The following AKAP12 variants were observed in gnomAD, a reference collection of about 807,000 sequenced individuals.
AKAP12 encodes A-kinase anchor protein 12.
AKAP12 carries 32 observed loss-of-function variants against 79.9 expected under a neutral mutation model. The ratio of observed to expected loss-of-function variants is 0.40; its 90% CI spans 0.30 to 0.54. The LOEUF is 0.54. Among genes scored for constraint, AKAP12 ranks in the 20% least tolerant of loss-of-function variants. The pLI, the probability that AKAP12 is intolerant of heterozygous loss-of-function variation, is 0.48. For synonymous variants in AKAP12, 808 were observed against 857.0 expected (o/e 0.94, Z 1.00); for missense variants, 2,074 against 2,177.0 (o/e 0.95, Z 0.94).
chr6:151,310,908 A>G (rs777562260), intron 3 of AKAP12, among the ~76,000 whole-genome samples: 14 of 152,120 alleles, frequency 9.2e-5, no homozygotes, highest in South Asian at 2.1e-4. Flanking sequence ...CTTTTCTCCA[A>G]CCTTCACAGG....
chr6:151,339,508 A>G (rs1777895333), intron 3 of AKAP12, among the ~76,000 whole-genome samples: 1 of 151,924 alleles, frequency 6.6e-6, no homozygotes, highest in East Asian at 1.9e-4. Flanking sequence ...CAACGTCTGC[A>G]TAGCCTCCCC....
intron 3 of AKAP12, among the ~76,000 whole-genome samples, chr6:151,310,629 T>A (rs1777074528): frequency 6.6e-6 from 1 of 152,212 alleles, no homozygotes. Flanking sequence ...AATCTTAGTA[T>A]CTGTTAGGCA....
rs1778274817 is a variant in AKAP12, at chr6:151,351,180, C to T, written c.2789C>T (p.Ala930Val). 3.1e-6 allele frequency: 5 copies of T among 1,614,198 alleles called. No homozygotes were observed. Among genetic ancestry groups the T allele is most frequent in the Non-Finnish European group, 4.2e-6 (5 of 1,180,050 alleles). ...CTTGAACAAGTAGAAGCTGAAGCCG[C>T]ACTGTTAACTGAGGAGGTATTGGAA... ...EPLEQVEAEA[A>V]LLTEEVLERE... The change falls in exon 4 of 5, where the codon GCA becomes GTA. Residue 930 changes from alanine (A) to valine (V), a missense_variant. Coordinates refer to ENST00000402676, the MANE Select transcript of AKAP12 (RefSeq NM_005100.4). This position sits in a 1 kb window ranked among gnomAD's most constrained non-coding sequence, Gnocchi z 4.4.
At chr6:151,297,124 A>G (rs1776750248) in intron 2 of AKAP12, among the ~76,000 whole-genome samples, 1 of 150,968 alleles carries the variant, frequency 6.6e-6, no homozygotes, top group Non-Finnish European at 1.5e-5. Flanking sequence ...ATAAATCATC[A>G]GTCTTAATGA....
intron 2 of AKAP12, among the ~76,000 whole-genome samples, chr6:151,282,087 A>G (rs1049049708): frequency 2.7e-5 from 4 of 149,860 alleles, no homozygotes; most frequent in Non-Finnish European, 5.9e-5. Context: ...CCATACATCT[A>G]TTTTTATTTT....
chr6:151,270,912 T>C (rs1053016973), intron 2 of AKAP12, among the ~76,000 whole-genome samples: 1 of 152,216 alleles, frequency 6.6e-6, no homozygotes, highest in African/African-American at 2.4e-5. Flanking sequence ...AAGTGAGCAT[T>C]ATGCACTCGT....
At chr6:151,312,561 G>A (rs566286453) in intron 3 of AKAP12, among the ~76,000 whole-genome samples, 1 of 152,130 alleles carries the variant, frequency 6.6e-6, no homozygotes, top group Non-Finnish European at 1.5e-5. Context: ...GGAGGCCGAG[G>A]TGGGCGGATC....
At chr6:151,286,748 G>A (rs905037052) in intron 2 of AKAP12, among the ~76,000 whole-genome samples, 5 of 152,112 alleles carry the variant, frequency 3.3e-5, no homozygotes, top group Non-Finnish European at 7.4e-5. Flanking sequence ...TCAAAGCAGG[G>A]TAAGTTGCCC....
chr6:151,323,772 TAGAA>T, intron 3 of AKAP12: 2 of 985,340 alleles, frequency 2.0e-6, no homozygotes, highest in African/African-American at 1.7e-5. Context: ...TTTGGACTGA[TAGAA>T]AGGAGAGGAG....
chr6:151,273,664 G>A (rs1776234418), intron 2 of AKAP12, among the ~76,000 whole-genome samples: 2 of 152,172 alleles, frequency 1.3e-5, no homozygotes, highest in Admixed American at 1.3e-4. Context: ...CAGCAGGCCA[G>A]TTCAAAGACT....
intron 2 of AKAP12, among the ~76,000 whole-genome samples, chr6:151,256,324 A>C (rs1435935776): frequency 6.6e-6 from 1 of 152,166 alleles, no homozygotes. Flanking sequence ...ACCCAAATAC[A>C]GTTTGGAAAG....
rs1022029023 is a variant in AKAP12 at position 151,351,865 on chromosome 6, C to A, written c.3474C>A (p.Ile1158=). Residue 1158 remains isoleucine (I), a synonymous_variant, in exon 4 of 5, where the codon ATC becomes ATA. Transcript: ENST00000402676. The surrounding 1 kb of genome is among the most constrained non-coding windows in gnomAD (Gnocchi z 4.4). ...AGGAGATGGTGATGGAACAGGCTATCCCCCCTGACTCGGTGGAAACCCCTA... is the reference window on the plus strand; with the variant it reads ...AGGAGATGGTGATGGAACAGGCTATACCCCCTGACTCGGTGGAAACCCCTA... The part of the protein sequence containing the change: ...KSQEMVMEQA[I]PPDSVETPTD... 1.4e-5 allele frequency: 23 copies of A among 1,613,890 alleles called. No individual in the cohort carries two copies. Among genetic ancestry groups the A allele is most frequent in the Non-Finnish European group, 1.9e-5 (23 of 1,180,006 alleles).
intron 2 of AKAP12, among the ~76,000 whole-genome samples, chr6:151,264,714 A>G (rs1797514764): frequency 6.6e-6 from 1 of 152,006 alleles, no homozygotes; most frequent in Admixed American, 6.6e-5. Context: ...ATGATGTAAA[A>G]ATTCATATTA....
intron 3 of AKAP12, among the ~76,000 whole-genome samples, chr6:151,312,184 A>C (rs1381067496): frequency 1.3e-5 from 2 of 152,140 alleles, no homozygotes; most frequent in Non-Finnish European, 2.9e-5. Flanking sequence ...AAATATAAGA[A>C]TCAAGCCCAG....
intron 2 of AKAP12, among the ~76,000 whole-genome samples, chr6:151,297,441 T>C (rs1205099737): frequency 1.3e-5 from 2 of 151,456 alleles, no homozygotes; most frequent in Non-Finnish European, 2.9e-5. Context: ...GGTGTGGTGG[T>C]GCGCACCTGT....
At chr6:151,271,468 TG>T (rs895754587) in intron 2 of AKAP12, among the ~76,000 whole-genome samples, 5 of 151,436 alleles carry the variant, frequency 3.3e-5, no homozygotes, top group Admixed American at 6.6e-5. Flanking sequence ...ACTACAGGCC[TG>T]TGCCACCAAG....
chr6:151,265,877 C>T (rs2114704704), intron 2 of AKAP12, among the ~76,000 whole-genome samples: 1 of 152,300 alleles, frequency 6.6e-6, no homozygotes, highest in South Asian at 2.1e-4. Context: ...TGTGGGTTCA[C>T]TAAGGATGAG....
intron 2 of AKAP12, among the ~76,000 whole-genome samples, chr6:151,266,759 A>G (rs1776041013): frequency 6.6e-6 from 1 of 152,186 alleles, no homozygotes; most frequent in Admixed American, 6.5e-5. Flanking sequence ...CATATACCTG[A>G]TCATTGTCAT....
At chr6:151,337,364 AATT>A (rs1334810675) in intron 3 of AKAP12, among the ~76,000 whole-genome samples, 3 of 151,858 alleles carry the variant, frequency 2.0e-5, no homozygotes, top group Non-Finnish European at 4.4e-5. Context: ...AAATACAAAA[AATT>A]AGCCGGGCGT....
Sources: allele counts gnomAD v4.1 joint callset (sites outside exome capture counted in the v4.1 genomes callset), GRCh38; gene constraint gnomAD v4.1.1; non-coding constraint Gnocchi (gnomAD v3.1); transcripts MANE v1.5; gene names NCBI Gene and HGNC (gene_info 2026-07-23, HGNC 2026-07-21).